DISC1: variants seen among roughly 807,000 people sequenced by gnomAD.
DISC1 encodes disrupted in schizophrenia 1 protein.
DISC1 carries 57 observed loss-of-function variants against 84.5 expected under a neutral mutation model. The ratio of observed to expected loss-of-function variants is 0.67; its 90% CI spans 0.55 to 0.84. The LOEUF (loss-of-function observed/expected upper bound fraction) is 0.84, where lower values mean the gene tolerates loss of function less well. Among genes scored for constraint, DISC1 ranks in the 40% least tolerant of loss-of-function variants. The probability of loss-of-function intolerance (pLI) is 0.00; values close to 1 mark genes in which losing one functional copy is unlikely to be tolerated. For missense variants in DISC1, 1,000 were observed against 1,057.8 expected, an observed-to-expected ratio of 0.95 and a Z score of 0.76; for synonymous variants, 411 against 415.2, an observed-to-expected ratio of 0.99 and a Z score of 0.12.
intron 4 of DISC1, 144 bp downstream of exon 4, chr1:231,750,220 G>C (rs1452965105): frequency 1.7e-5 from 24 of 1,447,048 alleles, no homozygotes; most frequent in Non-Finnish European, 2.2e-5. Flanking sequence ...TTGGGAAGGT[G>C]GGGATTCTTC....
intron 1 of DISC1, among the ~76,000 whole-genome samples, chr1:231,656,891 C>T (rs914626492): frequency 6.6e-6 from 1 of 152,166 alleles, no homozygotes; most frequent in African/African-American, 2.4e-5. Context: ...CTTTGGTTTT[C>T]TGTTCCTGTG....
intron 1 of DISC1, among the ~76,000 whole-genome samples, chr1:231,676,536 A>G (rs1045863309): frequency 6.6e-6 from 1 of 152,216 alleles, no homozygotes; most frequent in Admixed American, 6.5e-5. Flanking sequence ...TAGAGTTCTT[A>G]AGAAATACTA....
rs556474709 is a variant in DISC1 at position 231,630,671 on chromosome 1, G to A, written c.67+3737G>A. Among the ~76,000 whole-genome samples, 105 of 152,158 alleles carry A rather than the reference G, an allele frequency of 6.9e-4. No homozygotes were observed. Among genetic ancestry groups the A allele is most frequent in the South Asian group, 5.8e-3 (28 of 4,822 alleles). On this transcript the variant is annotated intron_variant, in intron 1 of 12. Coordinates refer to ENST00000439617, the MANE Select transcript of DISC1 (RefSeq NM_018662.3). The surrounding 1 kb of genome is among the most constrained non-coding windows in gnomAD (Gnocchi z 4.4). ...GACTTTTAGCCTCGAGGAGTCTTCC[G>A]TTGTTAGTTCCTAACTTTAATGACT...
intron 3 of DISC1, among the ~76,000 whole-genome samples, chr1:231,749,538 C>T (rs1295801507): frequency 6.6e-6 from 1 of 152,100 alleles, no homozygotes; most frequent in Non-Finnish European, 1.5e-5. Context: ...AAAATCAAAA[C>T]TTGGGCACTG....
In DISC1 at chr1:231,702,410, A is replaced by G. The variant is rs963717115; in HGVS notation, c.1117+386A>G. 4 of 999,904 alleles carry G rather than the reference A, an allele frequency of 4.0e-6. No homozygotes were observed. The African/African-American group carries it at 7.0e-5, about 17-fold the overall frequency. The allele number at this position is 999,904 out of a possible 1,614,324, so 61.9% of individuals were successfully genotyped here. ...GAGACAATAGGAAAGTAAGACAGAC[A>G]TGGTATCTGCCCTTGTGATGCCAGT... is the stretch of plus-strand genomic sequence containing the variant. On this transcript the variant is annotated intron_variant, in intron 3 of 12. Coordinates refer to ENST00000439617, the MANE Select transcript of DISC1 (RefSeq NM_018662.3).
chr1:231,767,358 A>G (rs2076243115), intron 5 of DISC1, 89 bp downstream of exon 5: 3 of 1,547,680 alleles, frequency 1.9e-6, no homozygotes, highest in Non-Finnish European at 2.6e-6. Context: ...GTTGGAGGGC[A>G]GTGGTGCAAT....
intron 11 of DISC1, among the ~76,000 whole-genome samples, chr1:232,021,427 G>C (rs1187705248): frequency 6.6e-6 from 1 of 152,040 alleles, no homozygotes; most frequent in African/African-American, 2.4e-5. Flanking sequence ...TGAACTAGGA[G>C]CCAGGGATCT....
chr1:231,863,893 G>A (rs1037929251), intron 9 of DISC1, among the ~76,000 whole-genome samples: 3 of 150,448 alleles, frequency 2.0e-5, no homozygotes, highest in Admixed American at 1.3e-4. Context: ...AATCAAAGCG[G>A]TTATTCAATT....
At chr1:231,985,121 G>C (rs112728398) in intron 10 of DISC1, among the ~76,000 whole-genome samples, 59 of 152,134 alleles carry the variant, frequency 3.9e-4, no homozygotes, top group African/African-American at 1.2e-3. Context: ...AGAAGTTCGA[G>C]ACCAGCCTGG....
intron 9 of DISC1, among the ~76,000 whole-genome samples, chr1:231,905,672 C>T (rs1218928450): frequency 1.3e-5 from 2 of 151,902 alleles, no homozygotes; most frequent in African/African-American, 2.4e-5. Context: ...CAACTCAAAG[C>T]GACTAAGAGA....
chr1:231,846,848 C>T (rs186895184), intron 9 of DISC1, among the ~76,000 whole-genome samples: 166 of 152,274 alleles, frequency 1.1e-3, no homozygotes, highest in Non-Finnish European at 1.9e-3. Flanking sequence ...TGAAAAAAGA[C>T]TCTGGGATTG....
intron 9 of DISC1, among the ~76,000 whole-genome samples, chr1:231,956,189 T>C (rs1659468992): frequency 6.6e-6 from 1 of 152,226 alleles, no homozygotes; most frequent in Non-Finnish European, 1.5e-5. Context: ...GATCATGTTT[T>C]TGTCCAATCA....
intron 2 of DISC1, among the ~76,000 whole-genome samples, chr1:231,695,466 C>T (rs546950185): frequency 2.6e-5 from 4 of 152,278 alleles, no homozygotes; most frequent in South Asian, 2.1e-4. Context: ...TGGGTATAGC[C>T]GGAAGTAGGT....
At chr1:231,742,045 A>T (rs1255683523) in intron 3 of DISC1, among the ~76,000 whole-genome samples, 2 of 152,156 alleles carry the variant, frequency 1.3e-5, no homozygotes, top group Non-Finnish European at 2.9e-5. Context: ...AGTGGCTCTC[A>T]TCTCCCTTGG....
intron 6 of DISC1, among the ~76,000 whole-genome samples, chr1:231,780,483 T>A (rs1407544066): frequency 6.7e-6 from 1 of 148,594 alleles, no homozygotes. Flanking sequence ...CCAGTTAGAA[T>A]GGCAATCATT....
At chr1:231,835,162 A>G (rs2082535394) in intron 9 of DISC1, among the ~76,000 whole-genome samples, 1 of 152,226 alleles carries the variant, frequency 6.6e-6, no homozygotes, top group Admixed American at 6.5e-5. Context: ...GATCTTTCTC[A>G]CAGAACAAAG....
rs965218954 is a variant in DISC1, at chr1:231,722,884, C to A, written c.1117+20860C>A. 5.1e-6 allele frequency: 7 copies of A among 1,367,848 alleles called. No individual in the cohort carries two copies. The African/African-American group carries it at 1.0e-4, about 20-fold the overall frequency. 84.7% of individuals were successfully genotyped at this position (1,367,848 alleles called of 1,614,324 possible). On this transcript the variant is annotated intron_variant, in intron 3 of 12. Transcript: ENST00000439617. Reference sequence around the variant, plus strand: ...CCCCTGTCATGGCATGAAAAAACCGCTATTGTTCTGTGTTGGGACAATTAG... The same window carrying A: ...CCCCTGTCATGGCATGAAAAAACCGATATTGTTCTGTGTTGGGACAATTAG...
chr1:231,726,754 G>T (rs1475895766), intron 3 of DISC1, among the ~76,000 whole-genome samples: 1 of 152,190 alleles, frequency 6.6e-6, no homozygotes, highest in Non-Finnish European at 1.5e-5. Context: ...ATGACATGCT[G>T]CTTAACTGCT....
At chr1:231,872,412 C>T (rs113441583) in intron 9 of DISC1, among the ~76,000 whole-genome samples, 1 of 152,216 alleles carries the variant, frequency 6.6e-6, no homozygotes, top group Admixed American at 6.5e-5. Flanking sequence ...GAAAGTTTGA[C>T]CCTGATCTAG....
Sources: gnomAD v4.1 joint callset for allele counts (sites outside exome capture counted in the v4.1 genomes callset) on GRCh38, gnomAD v4.1.1 for gene constraint, Gnocchi (gnomAD v3.1) non-coding constraint, MANE v1.5 for transcripts, NCBI Gene and HGNC (gene_info 2026-07-23, HGNC 2026-07-21) for gene names.